The following GRID1 variants were observed in gnomAD, a reference collection of about 807,000 sequenced individuals.
GRID1 encodes the protein glutamate ionotropic receptor delta type subunit 1, also known as glutamate receptor ionotropic, delta-1.
GRID1 carries 28 observed loss-of-function variants against 98.0 expected under a neutral mutation model. The ratio of observed to expected loss-of-function variants is 0.29; its 90% confidence interval spans 0.21 to 0.39. GRID1 has a LOEUF of 0.39. Among genes scored for constraint, GRID1 ranks in the 10% least tolerant of loss-of-function variants. The probability of loss-of-function intolerance (pLI) is 1.00; values close to 1 mark genes in which losing one functional copy is unlikely to be tolerated. For missense variants in GRID1, 1,111 were observed against 1,340.5 expected (o/e 0.83, Z 2.67); for synonymous variants, 553 against 538.5 (o/e 1.03, Z -0.37).
At chr10:85,771,250 T>C (rs555704683) in intron 8 of GRID1, among the ~76,000 whole-genome samples, 4 of 152,282 alleles carry the variant, frequency 2.6e-5, no homozygotes, top group East Asian at 1.9e-4. Flanking sequence ...AGAAATAAAA[T>C]ACTTTACAGA....
intron 8 of GRID1, among the ~76,000 whole-genome samples, chr10:85,793,454 G>A (rs1842498955): frequency 6.6e-6 from 1 of 152,176 alleles, no homozygotes; most frequent in Non-Finnish European, 1.5e-5. Context: ...TGGAGACAAA[G>A]ACCATATTTC....
chr10:85,829,043 G>C lies in GRID1; in HGVS notation c.1233+25453C>G, dbSNP rs148507256. Among the ~76,000 whole-genome samples the C allele has an allele frequency of 2.1e-3, 324 of 152,166 alleles. 3 individuals are homozygous for C. Among genetic ancestry groups the C allele is most frequent in the African/African-American group, 7.5e-3 (310 of 41,520 alleles). ...CAGGCCAATATCATTGATGAACATA[G>C]ATGCAAAAATCCTCAGCAAAATACT... On this transcript the variant is annotated intron_variant, in intron 8 of 15. Coordinates refer to ENST00000327946, the MANE Select transcript of GRID1 (RefSeq NM_017551.3).
chr10:85,621,299 C>A (rs2132523413), intron 13 of GRID1, among the ~76,000 whole-genome samples: 1 of 152,250 alleles, frequency 6.6e-6, no homozygotes, highest in Non-Finnish European at 1.5e-5. Context: ...ACTGAAACAT[C>A]ACAGACAATA....
intron 4 of GRID1, among the ~76,000 whole-genome samples, chr10:86,094,873 A>G (rs1286269080): frequency 6.6e-6 from 1 of 152,188 alleles, no homozygotes; most frequent in Non-Finnish European, 1.5e-5. Context: ...ACCAAAAAAG[A>G]GTCCACATAG....
intron 5 of GRID1, among the ~76,000 whole-genome samples, chr10:85,881,283 C>T (rs1841009690): frequency 6.6e-6 from 1 of 152,098 alleles, no homozygotes. Flanking sequence ...CTTTAAAGTT[C>T]ATATGGAACC....
intron 12 of GRID1, among the ~76,000 whole-genome samples, chr10:85,666,670 GT>G (rs995037064): frequency 1.2e-4 from 19 of 152,160 alleles, no homozygotes; most frequent in African/African-American, 4.6e-4. Flanking sequence ...ACTGATTTCG[GT>G]TACTACAGGG....
intron 8 of GRID1, among the ~76,000 whole-genome samples, chr10:85,752,813 C>T (rs1842060254): frequency 1.3e-5 from 2 of 152,030 alleles, no homozygotes; most frequent in Non-Finnish European, 2.9e-5. Context: ...TCAATCTGTC[C>T]ATTACTAAAA....
chr10:86,249,757 C>A (rs781335684), intron 2 of GRID1, among the ~76,000 whole-genome samples: 7 of 152,236 alleles, frequency 4.6e-5, no homozygotes, highest in Non-Finnish European at 8.8e-5. Context: ...CCAATCACCA[C>A]CTCCATCACT....
At chr10:85,716,319 A>C (rs11528414) in intron 12 of GRID1, among the ~76,000 whole-genome samples, 9,143 of 152,126 alleles carry the variant, frequency 0.06, 531 homozygotes, top group African/African-American at 0.15. Context: ...GACAAAAAAA[A>C]CAAACACCGC....
intron 5 of GRID1, among the ~76,000 whole-genome samples, chr10:85,906,957 C>T (rs560059930): frequency 4.8e-4 from 73 of 152,004 alleles, no homozygotes; most frequent in African/African-American, 1.4e-3. Context: ...AAATGAATAA[C>T]GTCAATAAAC....
At chr10:85,952,812 A>G (rs1842142025) in intron 4 of GRID1, among the ~76,000 whole-genome samples, 1 of 152,132 alleles carries the variant, frequency 6.6e-6, no homozygotes, top group South Asian at 2.1e-4. Flanking sequence ...TTTAAACTGC[A>G]TGAATTCATT....
intron 3 of GRID1, among the ~76,000 whole-genome samples, chr10:86,168,483 C>T (rs572516156): frequency 3.3e-5 from 5 of 152,288 alleles, no homozygotes; most frequent in South Asian, 2.1e-4. Flanking sequence ...CCTTAGAAAC[C>T]GGGATCCCAT....
At chr10:85,706,772 C>A (rs1298517225) in intron 12 of GRID1, among the ~76,000 whole-genome samples, 1 of 152,134 alleles carries the variant, frequency 6.6e-6, no homozygotes, top group East Asian at 1.9e-4. Context: ...AGATATAGAT[C>A]AATGGAACAG....
chr10:86,201,009 T>A (rs1042681837), intron 3 of GRID1, among the ~76,000 whole-genome samples: 19 of 152,182 alleles, frequency 1.2e-4, no homozygotes, highest in African/African-American at 4.3e-4. Context: ...AACAGTTTGG[T>A]CTAACCTAAT....
chr10:86,337,229 CCT>C (rs890861205), intron 2 of GRID1, among the ~76,000 whole-genome samples: 1 of 152,168 alleles, frequency 6.6e-6, no homozygotes, highest in Non-Finnish European at 1.5e-5. Context: ...CAGCCCATCC[CCT>C]GTTAGGGAGG....
At chr10:86,293,660 A>G (rs1160833266) in intron 2 of GRID1, among the ~76,000 whole-genome samples, 1 of 152,214 alleles carries the variant, frequency 6.6e-6, no homozygotes, top group Admixed American at 6.5e-5. Flanking sequence ...CTGCAGCATC[A>G]GGGAACCTGC....
chr10:86,121,115 G>A (rs1257681974), intron 4 of GRID1, among the ~76,000 whole-genome samples: 1 of 152,130 alleles, frequency 6.6e-6, no homozygotes, highest in Non-Finnish European at 1.5e-5. Context: ...GGAGACTCAG[G>A]AGTTATGACA....
intron 4 of GRID1, among the ~76,000 whole-genome samples, chr10:85,971,874 C>A (rs7899957): frequency 6.6e-6 from 1 of 151,990 alleles, no homozygotes; most frequent in African/African-American, 2.4e-5. Flanking sequence ...CATATGCCCA[C>A]CAAAAGACAA....
At chr10:86,220,644 G>GA (rs1846239136) in intron 2 of GRID1, among the ~76,000 whole-genome samples, 1 of 152,208 alleles carries the variant, frequency 6.6e-6, no homozygotes, top group Non-Finnish European at 1.5e-5. Context: ...CTCTGAGCAG[G>GA]ATGCCCAGGT....
Sources: allele counts gnomAD v4.1 joint callset (sites outside exome capture counted in the v4.1 genomes callset), GRCh38; gene constraint gnomAD v4.1.1; transcripts MANE v1.5; gene names NCBI Gene and HGNC (gene_info 2026-07-23, HGNC 2026-07-21).